Variants in ATRNL1 observed in about 807,000 individuals in gnomAD.
ATRNL1 encodes the protein attractin-like protein 1.
A neutral mutation model predicts 182.7 loss-of-function variants in ATRNL1; 95 were observed. The ratio of observed to expected loss-of-function variants is 0.52; its 90% CI spans 0.44 to 0.62. The LOEUF is 0.62. Ranked by LOEUF, ATRNL1 falls within the 20% of genes least tolerant of loss-of-function variation. The probability of loss-of-function intolerance (pLI) is 0.00; values close to 1 mark genes in which losing one functional copy is unlikely to be tolerated. For synonymous variants in ATRNL1, 576 were observed against 568.3 expected (o/e 1.01, Z -0.19); for missense variants, 1,471 against 1,679.5 (o/e 0.88, Z 2.17).
intron 26 of ATRNL1, among the ~76,000 whole-genome samples, chr10:115,601,482 A>G (rs923215210): frequency 1.3e-5 from 2 of 152,142 alleles, no homozygotes; most frequent in African/African-American, 2.4e-5. Flanking sequence ...TGAAATATCC[A>G]TCTATAATTG....
chr10:115,710,852 G>T (rs7077515), intron 26 of ATRNL1, among the ~76,000 whole-genome samples: 57,307 of 151,812 alleles, frequency 0.38, 11,732 homozygotes, highest in East Asian at 0.64. Context: ...TATTAGAAAG[G>T]GTAAAGCTAT....
chr10:115,713,707 T>TCTATCTATCTATCATCTATCTAG (rs1947153118), intron 26 of ATRNL1, among the ~76,000 whole-genome samples: 2 of 31,270 alleles, frequency 6.4e-5, no homozygotes, highest in Admixed American at 9.5e-4. Context: ...CTATCTATCA[T>TCTATCTATCTATCATCTATCTAG]CTATCTATCT....
intron 17 of ATRNL1, among the ~76,000 whole-genome samples, chr10:115,311,189 A>AG (rs374794338): frequency 7.5e-6 from 1 of 133,816 alleles, no homozygotes; most frequent in African/African-American, 2.8e-5. Flanking sequence ...TATGATTTAG[A>AG]TTTTTTTTTT....
chr10:115,138,381 C>T (rs1845612200), intron 5 of ATRNL1, among the ~76,000 whole-genome samples: 1 of 152,250 alleles, frequency 6.6e-6, no homozygotes, highest in African/African-American at 2.4e-5. Flanking sequence ...TTCTGCACTG[C>T]CCTAGCAGAG....
At chr10:115,609,988 T>C (rs1857071081) in intron 26 of ATRNL1, among the ~76,000 whole-genome samples, 1 of 152,160 alleles carries the variant, frequency 6.6e-6, no homozygotes. Context: ...ACCATAGAAA[T>C]GGATAACTGA....
chr10:115,438,624 T>C (rs1554965160), intron 21 of ATRNL1, among the ~76,000 whole-genome samples: 3 of 152,006 alleles, frequency 2.0e-5, no homozygotes, highest in African/African-American at 7.2e-5. Flanking sequence ...CTTCATTTAG[T>C]ATATAATTTG....
chr10:115,342,564 G>T (rs561873969), intron 19 of ATRNL1, among the ~76,000 whole-genome samples: 13 of 152,110 alleles, frequency 8.5e-5, no homozygotes, highest in Admixed American at 7.9e-4. Context: ...TTGAAAAGTT[G>T]TTATTATTTT....
At chr10:115,226,104 C>A (rs1849683020) in intron 9 of ATRNL1, among the ~76,000 whole-genome samples, 2 of 151,548 alleles carry the variant, frequency 1.3e-5, no homozygotes, top group Non-Finnish European at 3.0e-5. Flanking sequence ...AATAGAATTC[C>A]ACAGACAGAC....
intron 28 of ATRNL1, among the ~76,000 whole-genome samples, chr10:115,855,222 A>C (rs1473229416): frequency 6.6e-6 from 1 of 152,124 alleles, no homozygotes; most frequent in Non-Finnish European, 1.5e-5. Context: ...TTTTCTTATG[A>C]TTCTCTGAGT....
At chr10:115,798,483 CTT>C (rs1555083535) in intron 27 of ATRNL1, among the ~76,000 whole-genome samples, 1 of 152,156 alleles carries the variant, frequency 6.6e-6, no homozygotes, top group African/African-American at 2.4e-5. Flanking sequence ...CATTGTGTGG[CTT>C]TCATGCACCA....
chr10:115,503,043 G>C (rs1447221739), intron 24 of ATRNL1, among the ~76,000 whole-genome samples: 12 of 152,066 alleles, frequency 7.9e-5, no homozygotes, highest in Admixed American at 7.9e-4. Context: ...CTGAAGATAA[G>C]GCTGTAACTG....
intron 9 of ATRNL1, among the ~76,000 whole-genome samples, chr10:115,223,610 G>A (rs1271322223): frequency 6.6e-6 from 1 of 151,840 alleles, no homozygotes; most frequent in Non-Finnish European, 1.5e-5. Flanking sequence ...ATTTGAATAG[G>A]ACAATGAACA....
chr10:115,287,992 G>A (rs1852711238), intron 15 of ATRNL1, among the ~76,000 whole-genome samples: 1 of 146,908 alleles, frequency 6.8e-6, no homozygotes, highest in African/African-American at 2.5e-5. Flanking sequence ...AACTTTCTGG[G>A]CCTCTCTTAT....
chr10:115,541,863 G>A (rs1381569677), intron 25 of ATRNL1, among the ~76,000 whole-genome samples: 1 of 152,060 alleles, frequency 6.6e-6, no homozygotes, highest in Non-Finnish European at 1.5e-5. Context: ...CTTCAAGCTG[G>A]TGGTTTCAAG....
intron 26 of ATRNL1, among the ~76,000 whole-genome samples, chr10:115,712,220 A>C (rs1947083372): frequency 6.6e-6 from 1 of 152,174 alleles, no homozygotes; most frequent in Admixed American, 6.6e-5. Context: ...AATAACTCAA[A>C]TTATTAATAA....
rs996710932 is a variant in ATRNL1 at position 115,094,094 on chromosome 10, G to A, written c.293+51G>A. 8.3e-6 allele frequency: 11 copies of A among 1,322,638 alleles called. No individual in the cohort carries two copies. The East Asian group carries it at 1.2e-4, about 15-fold the overall frequency. 81.9% of individuals were successfully genotyped at this position (1,322,638 alleles called of 1,614,324 possible). ...CCTCCAGCCCTGCCTCGCTCCCGTC[G>A]CGGCCTTCCCCGCCCCCCTCGCGGC... On this transcript the variant is annotated intron_variant, in intron 1 of 28. Transcript: ENST00000355044.
At chr10:115,396,951 G>A (rs1301594785) in intron 20 of ATRNL1, among the ~76,000 whole-genome samples, 1 of 151,774 alleles carries the variant, frequency 6.6e-6, no homozygotes, top group Non-Finnish European at 1.5e-5. Flanking sequence ...TCTCATTTAT[G>A]GCTTTTTATG....
intron 27 of ATRNL1, among the ~76,000 whole-genome samples, chr10:115,775,179 C>T (rs1457141676): frequency 1.6e-4 from 25 of 152,114 alleles, no homozygotes; most frequent in Non-Finnish European, 2.2e-4. Flanking sequence ...TGTTTACCCC[C>T]GAATGATCCC....
intron 28 of ATRNL1, among the ~76,000 whole-genome samples, chr10:115,890,234 A>G (rs1336003866): frequency 1.3e-5 from 2 of 152,208 alleles, no homozygotes; most frequent in African/African-American, 2.4e-5. Context: ...ACATGGGGAC[A>G]GAGTGGCAGT....
Sources: gnomAD v4.1 joint callset for allele counts (sites outside exome capture counted in the v4.1 genomes callset) on GRCh38, gnomAD v4.1.1 for gene constraint, MANE v1.5 for transcripts, NCBI Gene and HGNC (gene_info 2026-07-23, HGNC 2026-07-21) for gene names.